HHAT: variants seen among roughly 807,000 people sequenced by gnomAD.
HHAT encodes the protein protein-cysteine N-palmitoyltransferase HHAT.
In HHAT, 47 loss-of-function variants were observed where a neutral mutation model predicts 70.8. The ratio of observed to expected loss-of-function variants is 0.66; its 90% confidence interval spans 0.53 to 0.85. HHAT has a LOEUF of 0.85. HHAT is among the 40% of genes least tolerant of loss of function. HHAT has a pLI of 0.00. For synonymous variants in HHAT, 228 were observed against 247.6 expected (o/e 0.92, Z 0.74); for missense variants, 609 against 604.8 (o/e 1.01, Z -0.07).
At chr1:210,594,978 T>TAACC (rs1234010929) in intron 10 of HHAT, among the ~76,000 whole-genome samples, 5 of 86,376 alleles carry the variant, frequency 5.8e-5, no homozygotes, top group Non-Finnish European at 1.0e-4. Context: ...TTTTTTAAAT[T>TAACC]AATTTATTTA....
chr1:210,644,376 G>A (rs1271248669), intron 11 of HHAT, among the ~76,000 whole-genome samples: 2 of 152,144 alleles, frequency 1.3e-5, no homozygotes, highest in Non-Finnish European at 2.9e-5. Flanking sequence ...GCCAACGCAG[G>A]CGGATCACCT....
At chr1:210,448,732 TACTC>T (rs1457854896) in intron 7 of HHAT, among the ~76,000 whole-genome samples, 2 of 152,214 alleles carry the variant, frequency 1.3e-5, no homozygotes, top group Admixed American at 1.3e-4. Context: ...ATTCTCAACT[TACTC>T]TAGTTTTCAG....
intron 10 of HHAT, among the ~76,000 whole-genome samples, chr1:210,607,411 T>G (rs1665707079): frequency 6.6e-6 from 1 of 152,180 alleles, no homozygotes; most frequent in African/African-American, 2.4e-5. Context: ...GAGTTTTGTT[T>G]CCTATCACTT....
chr1:210,418,368 C>G, intron 7 of HHAT, 43 bp downstream of exon 7: 1 of 1,523,808 alleles, frequency 6.6e-7, no homozygotes, highest in Non-Finnish European at 8.8e-7. Context: ...CCCCAATAGT[C>G]CAACAGTTAG....
At chr1:210,574,208 T>C (rs930890201) in intron 9 of HHAT, among the ~76,000 whole-genome samples, 1 of 152,156 alleles carries the variant, frequency 6.6e-6, no homozygotes, top group African/African-American at 2.4e-5. Context: ...TGAGATTGGC[T>C]GGGGAAATTT....
chr1:210,477,807 G>T (rs1396605671), intron 8 of HHAT, among the ~76,000 whole-genome samples: 8 of 152,164 alleles, frequency 5.3e-5, no homozygotes, highest in Admixed American at 4.6e-4. Context: ...TCTTCAGCTG[G>T]GAGTGGGGAA....
intron 9 of HHAT, among the ~76,000 whole-genome samples, chr1:210,560,828 A>C (rs867525892): frequency 1.6e-4 from 21 of 127,720 alleles, no homozygotes; most frequent in African/African-American, 6.5e-4. Context: ...AAAAAAAAAA[A>C]AAAAAAAAAA....
At chr1:210,509,376 C>T (rs904653014) in intron 8 of HHAT, among the ~76,000 whole-genome samples, 1 of 152,162 alleles carries the variant, frequency 6.6e-6, no homozygotes, top group Admixed American at 6.6e-5. Flanking sequence ...ATACTCAGCC[C>T]TCTAATAACA....
chr1:210,437,557 A>G (rs1322540204), intron 7 of HHAT, among the ~76,000 whole-genome samples: 1 of 151,816 alleles, frequency 6.6e-6, no homozygotes, highest in Non-Finnish European at 1.5e-5. Context: ...GGCTGTCCAC[A>G]TTGTTGATCC....
chr1:210,471,374 A>T (rs1347626507), intron 8 of HHAT, among the ~76,000 whole-genome samples: 1 of 152,062 alleles, frequency 6.6e-6, no homozygotes, highest in Non-Finnish European at 1.5e-5. Context: ...TATGACTGTC[A>T]TTATTTTATC....
chr1:210,634,540 G>A (rs1211236215), intron 11 of HHAT, among the ~76,000 whole-genome samples: 1 of 152,178 alleles, frequency 6.6e-6, no homozygotes. Flanking sequence ...ACCATGCCTG[G>A]ACATTTTCTG....
At chr1:210,436,693 A>T (rs1449204158) in intron 7 of HHAT, among the ~76,000 whole-genome samples, 2 of 151,810 alleles carry the variant, frequency 1.3e-5, no homozygotes, top group African/African-American at 4.9e-5. Flanking sequence ...GTTGTCTTCC[A>T]TTAACCAGTA....
At chr1:210,440,323 C>T (rs938051652) in intron 7 of HHAT, among the ~76,000 whole-genome samples, 1 of 151,644 alleles carries the variant, frequency 6.6e-6, no homozygotes, top group African/African-American at 2.4e-5. Flanking sequence ...CCAACTGTGA[C>T]GCAGTCTTCA....
At chr1:210,426,884 A>G (rs1337055556) in intron 7 of HHAT, among the ~76,000 whole-genome samples, 1 of 152,052 alleles carries the variant, frequency 6.6e-6, no homozygotes, top group Non-Finnish European at 1.5e-5. Flanking sequence ...TCTCCTTCTC[A>G]GTTTTTTGGA....
chr1:210,368,695 G>GT (rs2089257172), intron 3 of HHAT, among the ~76,000 whole-genome samples: 1 of 152,162 alleles, frequency 6.6e-6, no homozygotes, highest in South Asian at 2.1e-4. Context: ...CTTGTACTTA[G>GT]TACAGAATAG....
chr1:210,512,391 C>T (rs893875160), intron 8 of HHAT, among the ~76,000 whole-genome samples: 20 of 150,360 alleles, frequency 1.3e-4, no homozygotes, highest in Admixed American at 6.0e-4. Context: ...AAACATATTT[C>T]GGGCTGAGTG....
chr1:210,458,135 CAA>C (rs2093908387), intron 7 of HHAT, among the ~76,000 whole-genome samples: 1 of 151,724 alleles, frequency 6.6e-6, no homozygotes, highest in African/African-American at 2.4e-5. Context: ...ATTTTGGAGC[CAA>C]GAGACCTGGG....
chr1:210,673,604 TA>T (rs1342638883), intron 11 of HHAT, among the ~76,000 whole-genome samples: 7 of 116,352 alleles, frequency 6.0e-5, no homozygotes, highest in Non-Finnish European at 7.2e-5. Flanking sequence ...TTTTTTTTTT[TA>T]AACCAATACT....
chr1:210,669,546 A>G (rs892751926), intron 11 of HHAT, among the ~76,000 whole-genome samples: 3 of 152,236 alleles, frequency 2.0e-5, no homozygotes, highest in African/African-American at 7.2e-5. Flanking sequence ...ATATCTGTCA[A>G]ATAATCTGTC....
Sources: allele counts gnomAD v4.1 joint callset (sites outside exome capture counted in the v4.1 genomes callset), GRCh38; gene constraint gnomAD v4.1.1; transcripts MANE v1.5; gene names NCBI Gene and HGNC (gene_info 2026-07-23, HGNC 2026-07-21).